The following SYNE2 variants were observed in gnomAD, a reference collection of about 807,000 sequenced individuals.
SYNE2 encodes spectrin repeat containing nuclear envelope protein 2, also known as nesprin-2.
In SYNE2, 431 loss-of-function variants were observed where a neutral mutation model predicts 856.3. The ratio of observed to expected loss-of-function variants is 0.50; its 90% CI spans 0.47 to 0.55. The LOEUF is 0.55. Ranked by LOEUF, SYNE2 falls within the 20% of genes least tolerant of loss-of-function variation. SYNE2 has a pLI of 0.00. For synonymous variants in SYNE2, 2,923 were observed against 2,872.3 expected, an observed-to-expected ratio of 1.02 and a Z score of -0.56; for missense variants, 8,129 against 8,023.2, an observed-to-expected ratio of 1.01 and a Z score of -0.50.
rs572529116 is a variant in SYNE2, at chr14:64,149,503, T to A, written c.15640-3061T>A. On this transcript the variant is annotated intron_variant, in intron 84 of 115. Coordinates refer to ENST00000555002, the MANE Select transcript of SYNE2 (RefSeq NM_182914.3). The stretch of plus-strand genomic sequence containing the variant: ...CCGAAGGGCTTCTAAAAGCCATTGA[T>A]GACTGGAAAAAGGCCACGTTTGACA... 1.9e-3 allele frequency among the ~76,000 whole-genome samples: 295 copies of A among 152,290 alleles called. 1 individual carries two copies. Among genetic ancestry groups the A allele is most frequent in the African/African-American group, 6.6e-3 (275 of 41,562 alleles).
chr14:64,063,201 C>T (rs1178230756), intron 50 of SYNE2, among the ~76,000 whole-genome samples: 1 of 152,122 alleles, frequency 6.6e-6, no homozygotes, highest in African/African-American at 2.4e-5. Flanking sequence ...GTGCCCGCCA[C>T]CATGCCCAGC....
chr14:64,145,226 C>A (rs564575788), intron 83 of SYNE2, among the ~76,000 whole-genome samples: 1 of 146,924 alleles, frequency 6.8e-6, no homozygotes, highest in Non-Finnish European at 1.5e-5. Flanking sequence ...CACGCCTGGC[C>A]GGGCAGCCTT....
intron 1 of SYNE2, among the ~76,000 whole-genome samples, chr14:63,813,644 C>T (rs184465965): frequency 6.6e-6 from 1 of 151,788 alleles, no homozygotes; most frequent in African/African-American, 2.4e-5. Flanking sequence ...AAAAATTAGA[C>T]TGGGTGTGGT....
At chr14:64,077,564 G>C (rs1483449503) in intron 54 of SYNE2, among the ~76,000 whole-genome samples, 1 of 152,074 alleles carries the variant, frequency 6.6e-6, no homozygotes, top group Non-Finnish European at 1.5e-5. Context: ...CATTTAGTCT[G>C]TGTTACAGTT....
rs758258832 is a variant in SYNE2, at chr14:64,225,442, A to C, written c.20640A>C (p.Glu6880Asp). 14 of 1,614,118 alleles carry C rather than the reference A, an allele frequency of 8.7e-6. No individual in the cohort carries two copies. Among genetic ancestry groups the C allele is most frequent in the East Asian group, 2.2e-5 (1 of 44,888 alleles). Reference protein sequence around the residue: ...LLACLLPSSEEDYSCTQANNF... With the variant: ...LLACLLPSSEDDYSCTQANNF... The stretch of plus-strand genomic sequence containing the variant: ...CCTGCCTGCTGCCCTCCTCCGAAGA[A>C]GACTACAGCTGCACTCAGGCCAACA... The change falls in exon 116 of 116, where the codon GAA becomes GAC. Residue 6880 changes from glutamate (E) to aspartate (D), a missense_variant. Physicochemically the swap from Glu to Asp is conservative, Grantham distance 45. This residue lies in a region of SYNE2 where 5,410 missense variants were observed against 5,284.8 expected (regional missense o/e 1.02). Transcript: ENST00000555002.
intron 57 of SYNE2, among the ~76,000 whole-genome samples, chr14:64,082,845 G>A (rs115435066): frequency 0.011 from 1,671 of 152,266 alleles, 32 homozygotes; most frequent in African/African-American, 0.037. Flanking sequence ...TGTCCTTGCT[G>A]GTACTCCACA....
In SYNE2 at chr14:64,223,173, CTT is replaced by C. The variant is rs1314209753; in HGVS notation, c.20191-14_20191-13del. 5.6e-6 allele frequency: 9 copies of C among 1,612,944 alleles called. No individual in the cohort carries two copies. Among genetic ancestry groups the C allele is most frequent in the African/African-American group, 1.3e-5 (1 of 74,898 alleles). On this transcript the variant is annotated splice_polypyrimidine_tract_variant and intron_variant, in intron 112 of 115. Coordinates refer to ENST00000555002, the MANE Select transcript of SYNE2 (RefSeq NM_182914.3). ...TTTGGACAGGTCACTGTTTCACACACTTTATCTGTTTTCAGCAACTGGAAAAG... is the reference window on the plus strand; with the variant it reads ...TTTGGACAGGTCACTGTTTCACACACTATCTGTTTTCAGCAACTGGAAAAG...
intron 2 of SYNE2, among the ~76,000 whole-genome samples, chr14:63,932,946 CA>C (rs1050368739): frequency 6.6e-6 from 1 of 152,056 alleles, no homozygotes; most frequent in Non-Finnish European, 1.5e-5. Context: ...GTCGTGGAGC[CA>C]AGTTACAAAT....
intron 51 of SYNE2, among the ~76,000 whole-genome samples, 172 bp from the exon 52 acceptor site, chr14:64,070,473 A>G (rs1049343111): frequency 1.3e-5 from 2 of 152,250 alleles, no homozygotes; most frequent in African/African-American, 4.8e-5. Context: ...ATAGCTGGGC[A>G]TTATGGGATT....
At chr14:63,835,220 A>G (rs1228624958) in intron 1 of SYNE2, among the ~76,000 whole-genome samples, 3 of 151,864 alleles carry the variant, frequency 2.0e-5, no homozygotes, top group Non-Finnish European at 4.4e-5. Context: ...GTACATATTG[A>G]TATTTTTATT....
intron 53 of SYNE2, among the ~76,000 whole-genome samples, chr14:64,074,895 C>CAA (rs2097445492): frequency 1.4e-5 from 2 of 147,962 alleles, no homozygotes; most frequent in Non-Finnish European, 3.0e-5. Context: ...AAAAAAAAGT[C>CAA]ACATGCTGTC....
intron 45 of SYNE2, among the ~76,000 whole-genome samples, chr14:64,040,323 T>G (rs2357342): frequency 0.76 from 115,308 of 151,776 alleles, 45,823 homozygotes; most frequent in Non-Finnish European, 0.88. Flanking sequence ...TACCATAACG[T>G]GTTTAAAATG....
At chr14:64,100,093 A>G (rs895638166) in intron 63 of SYNE2, 16 of 152,088 alleles carry the variant, frequency 1.1e-4, no homozygotes, top group Admixed American at 7.9e-4. Context: ...ATGTCCAACA[A>G]TGATAGACTG....
At chr14:63,909,915 C>T (rs1399492672) in intron 2 of SYNE2, among the ~76,000 whole-genome samples, 1 of 152,176 alleles carries the variant, frequency 6.6e-6, no homozygotes, top group African/African-American at 2.4e-5. Flanking sequence ...AAATGAATGA[C>T]CTTTCAGTCA....
chr14:64,025,114 T>C lies in SYNE2; in HGVS notation c.5961-16T>C. 6.2e-7 allele frequency: 1 copy of C among 1,614,042 alleles called. No individual in the cohort carries two copies. Among genetic ancestry groups the C allele is most frequent in the Non-Finnish European group, 8.5e-7 (1 of 1,179,962 alleles). ...GGTTACTCCTATAAACTTTAAGTGG[T>C]ATTTGGAATTTACAGGGAACAGTTT... On this transcript the variant is annotated splice_polypyrimidine_tract_variant and intron_variant, in intron 40 of 115. Coordinates refer to ENST00000555002, the MANE Select transcript of SYNE2 (RefSeq NM_182914.3).
chr14:63,942,990 A>G (rs536098154), intron 6 of SYNE2, among the ~76,000 whole-genome samples: 14 of 152,336 alleles, frequency 9.2e-5, no homozygotes, highest in South Asian at 6.2e-4. Context: ...TGCATTATCC[A>G]TAATATCAGC....
intron 60 of SYNE2, among the ~76,000 whole-genome samples, chr14:64,091,406 TC>T (rs989386272): frequency 1.2e-4 from 18 of 152,232 alleles, no homozygotes; most frequent in African/African-American, 4.1e-4. Flanking sequence ...TCAGTGACTC[TC>T]CTATTGATTT....
Position 64,216,354 on chromosome 14 carries a change from C to T in SYNE2, c.19509C>T (p.Pro6503=). The change falls in exon 108 of 116, where the codon CCC becomes CCT. Residue 6503 remains proline (P), a synonymous_variant. Coordinates refer to ENST00000555002, the MANE Select transcript of SYNE2 (RefSeq NM_182914.3). ...MEGDRNVPPV[P]PASSTPYKPP... is the part of the protein sequence containing the mutation. ...GTGACAGGAATGTTCCACCTGTTCC[C>T]CCTGCGTCCAGCACCCCTTATAAAC... 1 of 1,614,216 alleles carries T rather than the reference C, an allele frequency of 6.2e-7. No homozygotes were observed. The highest frequency in any genetic ancestry group is 8.5e-7 in the Non-Finnish European group (1 of 1,180,048).
intron 102 of SYNE2, 72 bp from the exon 103 acceptor site, chr14:64,209,870 G>A (rs2098630744): frequency 1.6e-5 from 25 of 1,602,084 alleles, no homozygotes; most frequent in Non-Finnish European, 2.1e-5. Flanking sequence ...CAGGTCGCTT[G>A]GGATGTAGAA....
Sources: allele counts gnomAD v4.1 joint callset (sites outside exome capture counted in the v4.1 genomes callset), GRCh38; gene constraint gnomAD v4.1.1; regional missense constraint gnomAD v4.1.1; transcripts MANE v1.5; gene names NCBI Gene and HGNC (gene_info 2026-07-23, HGNC 2026-07-21).